KMT2A: variants seen among roughly 807,000 people sequenced by gnomAD.
KMT2A encodes the protein histone-lysine N-methyltransferase 2A.
In KMT2A, 16 loss-of-function variants were observed where a neutral mutation model predicts 345.3. The observed-to-expected ratio is 0.05, with a 90% CI of 0.03 to 0.07. The LOEUF (loss-of-function observed/expected upper bound fraction) is 0.07. Ranked by LOEUF, KMT2A falls within the 10% of genes least tolerant of loss-of-function variation. KMT2A has a pLI of 1.00. For synonymous variants in KMT2A, 1,599 were observed against 1,778.6 expected (o/e 0.90, Z 2.54); for missense variants, 3,272 against 4,841.6 (o/e 0.68, Z 9.62).
At chr11:118,478,670 A>G (rs570826) in intron 5 of KMT2A, among the ~76,000 whole-genome samples, 3 of 152,236 alleles carry the variant, frequency 2.0e-5, no homozygotes, top group Non-Finnish European at 2.9e-5. Flanking sequence ...TTGACCCAAC[A>G]AAATTATGAC....
In KMT2A at chr11:118,471,983, C is replaced by T; in HGVS notation, c.824C>T (p.Ala275Val). ...GCCACAAAGATTAAAAAATTAAGAG[C>T]AGGTAAACTCTCTCCTCTCAAGTCT... ...QQATKIKKLR[A>V]GKLSPLKSKF... The change falls in exon 3 of 36, where the codon GCA becomes GTA. Residue 275 changes from alanine (A) to valine (V), a missense_variant. Ala to Val is a moderately conservative substitution (Grantham distance 64, BLOSUM62 0). Around this residue, in one of 27 missense-constraint regions of KMT2A, gnomAD observed 412 missense variants for 511.0 expected, o/e 0.81. Coordinates refer to ENST00000534358, the MANE Select transcript of KMT2A (RefSeq NM_001197104.2). 1 of 1,614,018 alleles carries T rather than the reference C, an allele frequency of 6.2e-7. No individual in the cohort carries two copies. Among genetic ancestry groups the T allele is most frequent in the Non-Finnish European group, 8.5e-7 (1 of 1,179,984 alleles).
chr11:118,459,352 C>G (rs1949704167), intron 1 of KMT2A, among the ~76,000 whole-genome samples: 1 of 152,266 alleles, frequency 6.6e-6, no homozygotes, highest in East Asian at 1.9e-4. Context: ...CAGGTGTGAG[C>G]CACCATGCCA....
chr11:118,516,851 C>T (rs1950826401), intron 31 of KMT2A, among the ~76,000 whole-genome samples: 1 of 152,154 alleles, frequency 6.6e-6, no homozygotes, highest in Non-Finnish European at 1.5e-5. Flanking sequence ...GCTGTGAGCT[C>T]CTTAAGAACA....
At chr11:118,468,939 C>A in intron 2 of KMT2A, 95 bp downstream of exon 2, 2 of 868,728 alleles carry the variant, frequency 2.3e-6, no homozygotes, top group South Asian at 1.5e-5. Flanking sequence ...GATGCTCTAC[C>A]ATACTTGGGT....
At chr11:118,475,937 CT>C (rs1950030007) in intron 3 of KMT2A, among the ~76,000 whole-genome samples, 1 of 152,006 alleles carries the variant, frequency 6.6e-6, no homozygotes, top group African/African-American at 2.4e-5. Context: ...CGGAATTTCG[CT>C]CTTGTTGCCC....
chr11:118,462,938 G>T (rs1565272545), intron 1 of KMT2A, among the ~76,000 whole-genome samples: 2 of 152,108 alleles, frequency 1.3e-5, no homozygotes, highest in East Asian at 3.9e-4. Context: ...TGTCATTTTG[G>T]AAAGTACTTA....
chr11:118,447,781 C>A, intron 1 of KMT2A: 1 of 287,280 alleles, frequency 3.5e-6, no homozygotes, highest in East Asian at 1.0e-4. Flanking sequence ...TGAATGGATC[C>A]ATTATTAGGA....
chr11:118,457,748 C>T (rs1949674333), intron 1 of KMT2A, among the ~76,000 whole-genome samples: 1 of 151,540 alleles, frequency 6.6e-6, no homozygotes. Flanking sequence ...GCTTTATCAT[C>T]CTTCGAAAGA....
rs545692866 is a variant in KMT2A at position 118,445,883 on chromosome 11, AT to A, written c.432+8940del. 3.9e-3 allele frequency among the ~76,000 whole-genome samples: 599 copies of A among 151,926 alleles called. 6 individuals carry two copies. The highest frequency in any genetic ancestry group is 0.014 in the African/African-American group (579 of 41,412). ...CTGGGTGTGGTGGTTGCGCACCTGT[AT>A]CCCCAGCTACTCGGGAGGCTGAGGC... On this transcript the variant is annotated intron_variant, in intron 1 of 35. Transcript: ENST00000534358.
intron 1 of KMT2A, among the ~76,000 whole-genome samples, chr11:118,455,835 C>T (rs1949631726): frequency 1.3e-5 from 2 of 151,748 alleles, no homozygotes; most frequent in South Asian, 4.2e-4. Context: ...GTAGTTGAGA[C>T]TACACCACAC....
Position 118,524,975 on chromosome 11 carries a change from TA to T in KMT2A, c.*2805del, listed in dbSNP as rs1336636776. 1 of 210,436 alleles carries T rather than the reference TA, an allele frequency of 4.8e-6. No individual in the cohort carries two copies. Among genetic ancestry groups the T allele is most frequent in the Non-Finnish European group, 9.7e-6 (1 of 103,454 alleles). 13.0% of individuals were successfully genotyped at this position (210,436 alleles called of 1,614,324 possible). ...TGGTTTGCCTTGCCTTTCCACCCCC[TA>T]ATTGTCAACCACAAAAATGAGAAAT... On this transcript the variant is annotated 3_prime_UTR_variant, in exon 36 of 36. Transcript: ENST00000534358.
At chr11:118,507,743 T>C (rs1950610843) in intron 28 of KMT2A, 134 bp downstream of exon 28, 1 of 670,306 alleles carries the variant, frequency 1.5e-6, no homozygotes, top group South Asian at 1.7e-5. Flanking sequence ...GGCAGGTGGA[T>C]CACGAGGTTA....
intron 2 of KMT2A, among the ~76,000 whole-genome samples, chr11:118,469,606 G>T (rs1949908420): frequency 6.6e-6 from 1 of 152,172 alleles, no homozygotes; most frequent in East Asian, 1.9e-4. Context: ...GCCTAATTCA[G>T]TTCTGTATAG....
chr11:118,478,339 T>G, intron 5 of KMT2A, 138 bp downstream of exon 5: 2 of 660,226 alleles, frequency 3.0e-6, no homozygotes, highest in Non-Finnish European at 5.2e-6. Flanking sequence ...AGTTAGATTT[T>G]GTGGTGTGGG....
Position 118,472,803 on chromosome 11 carries a change from T to C in KMT2A, c.1644T>C (p.Thr548=). The C allele has an allele frequency of 6.2e-7, 1 of 1,613,732 alleles. No homozygotes were observed. Among genetic ancestry groups the C allele is most frequent in the Non-Finnish European group, 8.5e-7 (1 of 1,179,932 alleles). Residue 548 remains threonine, a synonymous_variant, in exon 3 of 36, where the codon ACT becomes ACC. Coordinates refer to ENST00000534358, the MANE Select transcript of KMT2A (RefSeq NM_001197104.2). ...FGSRTTKKLS[T]LQSAPQQQTS... is the part of the protein sequence containing the mutation. ...CTAGAACGACGAAAAAATTATCAAC[T>C]CTACAAAGTGCCCCCCAGCAGCAGA...
At chr11:118,464,746 A>G (rs1048424730) in intron 1 of KMT2A, among the ~76,000 whole-genome samples, 1 of 152,218 alleles carries the variant, frequency 6.6e-6, no homozygotes, top group Non-Finnish European at 1.5e-5. Flanking sequence ...ACAAAGCACA[A>G]TCAAAGTAAT....
At position 118,484,450 on chromosome 11, in the gene KMT2A, GTTTAGCGCTGGGAGAGC is replaced by G. The variant is rs1257444564; in HGVS notation, c.4218+140_4218+156del. 5.7e-6 allele frequency: 5 copies of G among 879,934 alleles called. No individual in the cohort carries two copies. In the African/African-American group the frequency reaches 8.5e-5, roughly 15 times the overall value. 54.5% of individuals were successfully genotyped at this position (879,934 alleles called of 1,614,324 possible). ...AATAAGAACTCCCATTAGCAGGTGG[GTTTAGCGCTGGGAGAGC>G]TTTGGTCAGTGTTGTTAGGTCACTG... On this transcript the variant is annotated intron_variant, in intron 9 of 35. Transcript: ENST00000534358. This position sits in a 1 kb window ranked among gnomAD's most constrained non-coding sequence, Gnocchi z 4.1.
intron 1 of KMT2A, among the ~76,000 whole-genome samples, chr11:118,441,640 T>G (rs1402877833): frequency 6.6e-6 from 1 of 152,196 alleles, no homozygotes; most frequent in East Asian, 1.9e-4. Context: ...AAATCTGAAG[T>G]GATAGTACCT....
intron 1 of KMT2A, among the ~76,000 whole-genome samples, chr11:118,445,454 GCTCTGAGGCT>G (rs1388080065): frequency 4.6e-5 from 7 of 152,178 alleles, no homozygotes; most frequent in Non-Finnish European, 8.8e-5. Flanking sequence ...CCTTATAACA[GCTCTGAGGCT>G]CTTCAGGGTT....
Sources: allele counts gnomAD v4.1 joint callset (sites outside exome capture counted in the v4.1 genomes callset), GRCh38; gene constraint gnomAD v4.1.1; regional missense constraint gnomAD v4.1.1; non-coding constraint Gnocchi (gnomAD v3.1); transcripts MANE v1.5; gene names NCBI Gene and HGNC (gene_info 2026-07-23, HGNC 2026-07-21).